Variants in ARHGAP17 observed in about 807,000 individuals in gnomAD.
The protein encoded by ARHGAP17 is Rho GTPase activating protein 17.
Under a neutral mutation model 99.5 loss-of-function variants are expected in ARHGAP17, and 57 were observed. That is an observed-to-expected ratio of 0.57 (90% CI 0.46 to 0.71). ARHGAP17 has a LOEUF of 0.71. Ranked by LOEUF, ARHGAP17 falls within the 30% of genes least tolerant of loss-of-function variation. The pLI is 0.00. For synonymous variants in ARHGAP17, 417 were observed against 429.6 expected (o/e 0.97, Z 0.36); for missense variants, 1,000 against 1,122.4 (o/e 0.89, Z 1.56).
Position 24,954,662 on chromosome 16 carries a change from T to C in ARHGAP17, c.793A>G (p.Ile265Val), listed in dbSNP as rs761696527. 6.2e-7 allele frequency: 1 copy of C among 1,613,966 alleles called. No homozygotes were observed. Among genetic ancestry groups the C allele is most frequent in the Non-Finnish European group, 8.5e-7 (1 of 1,179,980 alleles). ...EEHLKRSGRE[I>V]ALPIEACVML... ...ACACAGGCTTCAATGGGCAGCGCAA[T>C]CTCGCGCCCGCTCCTCTTCAGGTGT... Residue 265 changes from isoleucine to valine, a missense_variant, in exon 10 of 20, where the codon ATT (isoleucine) becomes GTT (valine). Ile to Val is a conservative substitution (Grantham distance 29). Transcript: ENST00000289968.
At chr16:24,974,611 T>G (rs951993027) in intron 3 of ARHGAP17, among the ~76,000 whole-genome samples, 2 of 151,638 alleles carry the variant, frequency 1.3e-5, no homozygotes, top group African/African-American at 4.9e-5. Context: ...GGCAGGAGGA[T>G]AATAGGGTTG....
chr16:25,005,392 G>GT (rs1389648125), intron 1 of ARHGAP17, among the ~76,000 whole-genome samples: 8 of 152,144 alleles, frequency 5.3e-5, no homozygotes, highest in Non-Finnish European at 1.0e-4. Context: ...TTTCATCACT[G>GT]TATCTGTTGA....
At chr16:24,942,202 C>T in intron 15 of ARHGAP17, 59 bp from the exon 16 acceptor site, 1 of 1,515,158 alleles carries the variant, frequency 6.6e-7, no homozygotes, top group Non-Finnish European at 8.9e-7. Context: ...CGAGGGAGCT[C>T]TAAGACACCC....
chr16:24,937,533 A>C (rs1005816954), intron 17 of ARHGAP17, among the ~76,000 whole-genome samples: 1 of 152,230 alleles, frequency 6.6e-6, no homozygotes, highest in Admixed American at 6.5e-5. Flanking sequence ...ATTTAAACCA[A>C]AACAAGTACA....
At chr16:24,942,282 T>C in intron 15 of ARHGAP17, 139 bp from the exon 16 acceptor site, 1 of 802,358 alleles carries the variant, frequency 1.2e-6, no homozygotes, top group Non-Finnish European at 1.9e-6. Flanking sequence ...CTCCAGGCAC[T>C]CACATCGCAA....
intron 7 of ARHGAP17, among the ~76,000 whole-genome samples, chr16:24,963,662 A>G (rs1160960080): frequency 6.6e-6 from 1 of 152,214 alleles, no homozygotes; most frequent in African/African-American, 2.4e-5. Context: ...CATCTAATTA[A>G]TCTGTAATTT....
chr16:25,002,550 C>A lies in ARHGAP17; in HGVS notation c.53+12659G>T, dbSNP rs573489852. 5.9e-5 allele frequency among the ~76,000 whole-genome samples: 9 copies of A among 152,302 alleles called. No individual in the cohort carries two copies. In the East Asian group the frequency reaches 1.5e-3, roughly 26 times the overall value. On this transcript the variant is annotated intron_variant, in intron 1 of 19. Coordinates refer to ENST00000289968, the MANE Select transcript of ARHGAP17 (RefSeq NM_001006634.3). ...AGTAGCCCTCAAACCATCATTCCCC[C>A]CTAAAACTGGAACAGAAGCTTTTCT...
intron 18 of ARHGAP17, among the ~76,000 whole-genome samples, chr16:24,933,621 T>C (rs2051054557): frequency 6.6e-6 from 1 of 151,364 alleles, no homozygotes; most frequent in South Asian, 2.1e-4. Context: ...CATCGGCATT[T>C]AAAAAAAAAG....
At chr16:24,968,605 C>G (rs2052263931) in intron 5 of ARHGAP17, 56 bp downstream of exon 5, 1 of 1,583,960 alleles carries the variant, frequency 6.3e-7, no homozygotes, top group Non-Finnish European at 8.7e-7. Flanking sequence ...TTTTAACACT[C>G]ACTGTCCAGC....
chr16:25,014,264 CT>C (rs940316378), intron 1 of ARHGAP17, among the ~76,000 whole-genome samples: 9 of 152,230 alleles, frequency 5.9e-5, no homozygotes, highest in African/African-American at 2.2e-4. Flanking sequence ...TTTCGTATCT[CT>C]TTGCTGAATA....
At chr16:24,921,253 G>C (rs970679594) in intron 19 of ARHGAP17, among the ~76,000 whole-genome samples, 1 of 152,214 alleles carries the variant, frequency 6.6e-6, no homozygotes, top group East Asian at 1.9e-4. Context: ...GGCTTCTCTC[G>C]TAGATGTGGG....
intron 3 of ARHGAP17, among the ~76,000 whole-genome samples, chr16:24,975,289 T>G (rs961115899): frequency 6.6e-6 from 1 of 152,056 alleles, no homozygotes; most frequent in Non-Finnish European, 1.5e-5. Flanking sequence ...AGAGAGGAAG[T>G]TTTTTGCTTG....
rs772776891 is a variant in ARHGAP17 at position 24,935,570 on chromosome 16, T to A, written c.1794A>T (p.Ala598=). The part of the protein sequence containing the change: ...PAPGRNNSQI[A]SGQNQPQAAA... ...CTGCCTGGGGCTGATTTTGGCCAGATGCTATCTGACTGTTGTTTCTCCCTG... is the reference window on the plus strand; with the variant it reads ...CTGCCTGGGGCTGATTTTGGCCAGAAGCTATCTGACTGTTGTTTCTCCCTG... The change falls in exon 18 of 20, where the codon GCA becomes GCT. Residue 598 remains alanine (A), a synonymous_variant. Coordinates refer to ENST00000289968, the MANE Select transcript of ARHGAP17 (RefSeq NM_001006634.3). 1 of 1,614,196 alleles carries A rather than the reference T, an allele frequency of 6.2e-7. No homozygotes were observed. The highest frequency in any genetic ancestry group is 1.1e-5 in the South Asian group (1 of 91,080).
intron 19 of ARHGAP17, chr16:24,927,810 C>CA: frequency 9.6e-6 from 5 of 519,964 alleles, no homozygotes; most frequent in Non-Finnish European, 1.2e-5. Flanking sequence ...AAGATGTAAA[C>CA]TCTTTTACAT....
intron 7 of ARHGAP17, among the ~76,000 whole-genome samples, chr16:24,963,917 A>G (rs1355842551): frequency 1.3e-5 from 2 of 152,010 alleles, no homozygotes; most frequent in Admixed American, 6.6e-5. Context: ...TAATTTTATT[A>G]TATGTTTTGC....
At chr16:24,994,916 C>T (rs2141447856) in intron 1 of ARHGAP17, among the ~76,000 whole-genome samples, 1 of 152,332 alleles carries the variant, frequency 6.6e-6, no homozygotes. Context: ...ATACCCACGT[C>T]TCTGTAATTT....
intron 1 of ARHGAP17, among the ~76,000 whole-genome samples, chr16:24,980,751 T>C (rs993454605): frequency 4.6e-5 from 7 of 152,132 alleles, no homozygotes; most frequent in African/African-American, 1.7e-4. Context: ...CTCTCGCCAA[T>C]GCCTCATCCC....
At chr16:24,941,920 G>A (rs2051323181) in intron 16 of ARHGAP17, 67 bp downstream of exon 16, 5 of 1,606,704 alleles carry the variant, frequency 3.1e-6, no homozygotes, top group South Asian at 1.1e-5. Context: ...TCCACTGAGC[G>A]ATACCAGATA....
At position 24,939,460 on chromosome 16, in the gene ARHGAP17, G is replaced by C. The variant is rs1369197390; in HGVS notation, c.1628C>G (p.Pro543Arg). Residue 543 changes from proline to arginine, a missense_variant, in exon 17 of 20, where the codon CCT (proline) becomes CGT (arginine). This residue lies in a region of ARHGAP17 where 528 missense variants were observed against 511.4 expected (regional missense o/e 1.03). Coordinates refer to ENST00000289968, the MANE Select transcript of ARHGAP17 (RefSeq NM_001006634.3). ...STVVPAGPEP[P>R]PQSSRAESSS... Reference sequence around the variant, plus strand: ...GCTTTCAGCCCTAGAGCTCTGGGGAGGGGGCTCTGGGCCAGCGGGCACCAC... The same window carrying C: ...GCTTTCAGCCCTAGAGCTCTGGGGACGGGGCTCTGGGCCAGCGGGCACCAC... 3.1e-6 allele frequency: 5 copies of C among 1,611,340 alleles called. No homozygotes were observed. The South Asian group carries it at 4.4e-5, about 14-fold the overall frequency.
Sources: allele counts gnomAD v4.1 joint callset (sites outside exome capture counted in the v4.1 genomes callset), GRCh38; gene constraint gnomAD v4.1.1; regional missense constraint gnomAD v4.1.1; transcripts MANE v1.5; gene names NCBI Gene and HGNC (gene_info 2026-07-23, HGNC 2026-07-21).